The following TMEM132D variants were observed in gnomAD, a reference collection of about 807,000 sequenced individuals.
TMEM132D encodes mature OL transmembrane protein.
TMEM132D carries 21 observed loss-of-function variants against 62.3 expected under a neutral mutation model. The observed-to-expected ratio is 0.34, with a 90% confidence interval of 0.24 to 0.49. TMEM132D has a LOEUF of 0.49. Among genes scored for constraint, TMEM132D ranks in the 20% least tolerant of loss-of-function variants. TMEM132D has a pLI of 0.99. For missense variants in TMEM132D, 1,346 were observed against 1,402.8 expected, an observed-to-expected ratio of 0.96 and a Z score of 0.65; for synonymous variants, 621 against 575.6, an observed-to-expected ratio of 1.08 and a Z score of -1.13.
intron 4 of TMEM132D, among the ~76,000 whole-genome samples, chr12:129,260,084 T>G (rs139241781): frequency 3.9e-5 from 6 of 151,974 alleles, no homozygotes; most frequent in African/African-American, 1.4e-4. Context: ...CATTTGGGAG[T>G]TAAAGCTTCG....
chr12:129,160,353 A>G (rs1001166581), intron 5 of TMEM132D, among the ~76,000 whole-genome samples: 7 of 152,198 alleles, frequency 4.6e-5, no homozygotes, highest in Admixed American at 2.6e-4. Flanking sequence ...ATCCCATTCC[A>G]TCTGGTTGCA....
At chr12:129,423,240 G>A (rs1044862468) in intron 3 of TMEM132D, among the ~76,000 whole-genome samples, 3 of 152,046 alleles carry the variant, frequency 2.0e-5, no homozygotes, top group Admixed American at 1.3e-4. Context: ...AATCTATCAC[G>A]TGATGATTTC....
chr12:129,541,516 T>C (rs1170601692), intron 2 of TMEM132D, among the ~76,000 whole-genome samples: 5 of 152,136 alleles, frequency 3.3e-5, no homozygotes, highest in Non-Finnish European at 7.4e-5. Context: ...GATGGCTAAA[T>C]TGGGAGGGGA....
At chr12:129,705,544 A>T (rs1881487223) in intron 1 of TMEM132D, among the ~76,000 whole-genome samples, 2 of 152,352 alleles carry the variant, frequency 1.3e-5, no homozygotes, top group South Asian at 2.1e-4. Context: ...TATCTAATTG[A>T]ACAATTATTT....
intron 5 of TMEM132D, among the ~76,000 whole-genome samples, chr12:129,199,850 T>C (rs1210429508): frequency 6.6e-6 from 1 of 152,112 alleles, no homozygotes; most frequent in Non-Finnish European, 1.5e-5. Context: ...TACCTCCCAC[T>C]GGGTCCCTCG....
chr12:129,238,223 A>G (rs946904314), intron 4 of TMEM132D, among the ~76,000 whole-genome samples: 2 of 152,200 alleles, frequency 1.3e-5, no homozygotes, highest in African/African-American at 4.8e-5. Context: ...TTTTTATTCA[A>G]TGCAATAGAA....
chr12:129,759,088 C>G (rs1870266132), intron 1 of TMEM132D, among the ~76,000 whole-genome samples: 1 of 152,116 alleles, frequency 6.6e-6, no homozygotes, highest in African/African-American at 2.4e-5. Context: ...TGTGCATCAT[C>G]ATGCCTGGCT....
chr12:129,585,568 C>T (rs1199848885), intron 2 of TMEM132D, among the ~76,000 whole-genome samples: 1 of 152,184 alleles, frequency 6.6e-6, no homozygotes, highest in Non-Finnish European at 1.5e-5. Context: ...CAAATGATTC[C>T]TCAAATGCAC....
At chr12:129,821,320 G>A (rs1362282621) in intron 1 of TMEM132D, among the ~76,000 whole-genome samples, 5 of 152,134 alleles carry the variant, frequency 3.3e-5, no homozygotes, top group South Asian at 2.1e-4. Flanking sequence ...CCTCTGAAAC[G>A]CACGTCAGAT....
chr12:129,341,205 A>G (rs1869469031), intron 3 of TMEM132D, among the ~76,000 whole-genome samples: 1 of 152,228 alleles, frequency 6.6e-6, no homozygotes, highest in Non-Finnish European at 1.5e-5. Context: ...TGTGTCTGAC[A>G]GATGGTACAT....
chr12:129,267,819 C>A (rs1377746515), intron 4 of TMEM132D, among the ~76,000 whole-genome samples: 2 of 152,186 alleles, frequency 1.3e-5, no homozygotes, highest in African/African-American at 4.8e-5. Context: ...CAGCATGGTA[C>A]TGGTACCAAA....
chr12:129,582,601 G>C (rs7978400), intron 2 of TMEM132D, among the ~76,000 whole-genome samples: 99,156 of 151,052 alleles, frequency 0.66, 33,218 homozygotes, highest in Admixed American at 0.74. Context: ...CTTGTAAGAC[G>C]TGAGACTCAT....
At chr12:129,844,727 C>G (rs1473273017) in intron 1 of TMEM132D, among the ~76,000 whole-genome samples, 1 of 152,128 alleles carries the variant, frequency 6.6e-6, no homozygotes, top group African/African-American at 2.4e-5. Context: ...GAATCATAAC[C>G]TCTCCCTTAT....
chr12:129,467,315 T>A (rs1873941241), intron 3 of TMEM132D, among the ~76,000 whole-genome samples: 1 of 152,082 alleles, frequency 6.6e-6, no homozygotes, highest in Admixed American at 6.5e-5. Flanking sequence ...TTTCTCTATC[T>A]CAATTTCCAA....
At chr12:129,252,877 T>A (rs1226077911) in intron 4 of TMEM132D, among the ~76,000 whole-genome samples, 3 of 152,066 alleles carry the variant, frequency 2.0e-5, no homozygotes, top group South Asian at 4.1e-4. Context: ...AAGGATGAGT[T>A]CATGTCCTTT....
At chr12:129,545,701 G>T (rs187046995) in intron 2 of TMEM132D, among the ~76,000 whole-genome samples, 84 of 152,318 alleles carry the variant, frequency 5.5e-4, no homozygotes, top group African/African-American at 1.9e-3. Flanking sequence ...TCAGCTGAAA[G>T]CATCCGTTTA....
At chr12:129,282,330 G>A (rs1167680936) in intron 4 of TMEM132D, among the ~76,000 whole-genome samples, 1 of 152,142 alleles carries the variant, frequency 6.6e-6, no homozygotes, top group Non-Finnish European at 1.5e-5. Context: ...TTGCTGACAA[G>A]GCTCATAGTA....
intron 1 of TMEM132D, among the ~76,000 whole-genome samples, chr12:129,733,320 T>G (rs1231608642): frequency 6.6e-6 from 1 of 152,104 alleles, no homozygotes; most frequent in Non-Finnish European, 1.5e-5. Flanking sequence ...TCTTGGTAGT[T>G]AGTGTCAGAA....
chr12:129,547,263 G>A (rs1876763378), intron 2 of TMEM132D, among the ~76,000 whole-genome samples: 1 of 152,108 alleles, frequency 6.6e-6, no homozygotes, highest in African/African-American at 2.4e-5. Flanking sequence ...TCTAGAGACA[G>A]GGTCTCACTC....
Sources: gnomAD v4.1 joint callset for allele counts (sites outside exome capture counted in the v4.1 genomes callset) on GRCh38, gnomAD v4.1.1 for gene constraint, MANE v1.5 for transcripts, NCBI Gene and HGNC (gene_info 2026-07-23, HGNC 2026-07-21) for gene names.